Variants in MAML3 observed in about 807,000 individuals in gnomAD.
MAML3 encodes the protein mastermind like transcriptional coactivator 3.
MAML3 carries 27 observed loss-of-function variants against 101.9 expected under a neutral mutation model. The observed-to-expected ratio is 0.27, with a 90% CI of 0.20 to 0.37. The LOEUF (loss-of-function observed/expected upper bound fraction) is 0.37, where lower values mean the gene tolerates loss of function less well. Among genes scored for constraint, MAML3 ranks in the 10% least tolerant of loss-of-function variants. The pLI, the probability that MAML3 is intolerant of heterozygous loss-of-function variation, is 1.00. For synonymous variants in MAML3, 501 were observed against 555.9 expected, an observed-to-expected ratio of 0.90 and a Z score of 1.39; for missense variants, 1,316 against 1,444.9, an observed-to-expected ratio of 0.91 and a Z score of 1.45.
intron 2 of MAML3, among the ~76,000 whole-genome samples, chr4:139,786,343 A>C (rs958149104): frequency 1.3e-5 from 2 of 152,036 alleles, no homozygotes; most frequent in Non-Finnish European, 2.9e-5. Flanking sequence ...GGATGTGAGA[A>C]ACCATGGAAA....
At chr4:140,041,777 A>AT (rs1347652986) in intron 1 of MAML3, among the ~76,000 whole-genome samples, 1 of 152,128 alleles carries the variant, frequency 6.6e-6, no homozygotes, top group African/African-American at 2.4e-5. Flanking sequence ...TGGGGAAAAT[A>AT]TTTTTTTAAG....
At position 140,153,157 on chromosome 4, in the gene MAML3, G is replaced by A. The variant is rs1235674177; in HGVS notation, c.171C>T (p.Ser57=). The change falls in exon 1 of 5, where the codon TCC becomes TCT. Residue 57 remains serine, a synonymous_variant. Transcript: ENST00000509479. ...NHPAAGGCGG[S]GGPGGGSAAV... ...CCGCCGAACCGCCGCCGGGGCCCCC[G>A]GAGCCGCCGCATCCACCGGCTGCCG... 2 of 1,550,438 alleles carry A rather than the reference G, an allele frequency of 1.3e-6. No individual in the cohort carries two copies. The highest frequency in any genetic ancestry group is 1.2e-5 in the South Asian group (1 of 84,176).
intron 1 of MAML3, among the ~76,000 whole-genome samples, chr4:139,994,595 G>T (rs115716377): frequency 1.3e-4 from 20 of 152,284 alleles, no homozygotes; most frequent in African/African-American, 4.8e-4. Flanking sequence ...AGGAGTCTGA[G>T]GTTACTGTGA....
chr4:139,927,846 G>A (rs1226316543), intron 1 of MAML3, among the ~76,000 whole-genome samples: 1 of 152,004 alleles, frequency 6.6e-6, no homozygotes, highest in Non-Finnish European at 1.5e-5. Flanking sequence ...GGTTTATTTT[G>A]TGTTTGCCCT....
At chr4:139,949,283 G>A (rs1326430874) in intron 1 of MAML3, among the ~76,000 whole-genome samples, 1 of 152,090 alleles carries the variant, frequency 6.6e-6, no homozygotes, top group African/African-American at 2.4e-5. Flanking sequence ...CCAAAGTGCT[G>A]GGATTACAGG....
At chr4:139,821,982 C>A (rs923931774) in intron 2 of MAML3, among the ~76,000 whole-genome samples, 2 of 152,090 alleles carry the variant, frequency 1.3e-5, no homozygotes, top group East Asian at 3.9e-4. Context: ...AGAAGCAAAC[C>A]ATCTATTTGG....
At chr4:140,138,131 T>C (rs932855149) in intron 1 of MAML3, among the ~76,000 whole-genome samples, 62 of 152,256 alleles carry the variant, frequency 4.1e-4, no homozygotes, top group African/African-American at 1.4e-3. Flanking sequence ...TGTCACATTT[T>C]GTCACCCACC....
At chr4:139,730,709 G>C in intron 2 of MAML3, 42 bp from the exon 3 acceptor site, 2 of 1,557,430 alleles carry the variant, frequency 1.3e-6, no homozygotes, top group Non-Finnish European at 1.8e-6. Flanking sequence ...ATTCCCCATA[G>C]AGACTCACTG....
intron 1 of MAML3, among the ~76,000 whole-genome samples, chr4:140,111,987 G>A (rs1431134987): frequency 2.0e-5 from 3 of 152,072 alleles, no homozygotes; most frequent in African/African-American, 4.8e-5. Flanking sequence ...CTTGGTTCTG[G>A]TTCATCTGAT....
chr4:139,845,006 G>GTCTC (rs139759127), intron 2 of MAML3, among the ~76,000 whole-genome samples: 1 of 148,420 alleles, frequency 6.7e-6, no homozygotes, highest in African/African-American at 2.5e-5. Context: ...CTCTCTCTCT[G>GTCTC]TCTCTCTCTC....
intron 2 of MAML3, among the ~76,000 whole-genome samples, chr4:139,852,624 A>G (rs533140375): frequency 6.8e-4 from 103 of 152,154 alleles, no homozygotes; most frequent in African/African-American, 2.4e-3. Context: ...CATGTTGGCC[A>G]GGCTGATCTC....
At chr4:139,802,174 G>A (rs933378553) in intron 2 of MAML3, among the ~76,000 whole-genome samples, 1 of 152,194 alleles carries the variant, frequency 6.6e-6, no homozygotes, top group Non-Finnish European at 1.5e-5. Context: ...TGGGGTAGCA[G>A]AGAGGAGGCT....
rs552302654 is a variant in MAML3 at position 139,941,410 on chromosome 4, T to C, written c.469-50443A>G. On this transcript the variant is annotated intron_variant, in intron 1 of 4. Transcript: ENST00000509479. ...AACATGCAGAGACAGGTTAATGCTT[T>C]AGTTACATAGCTTTCAAGAGTACTT... is the stretch of plus-strand genomic sequence containing the variant. 7.9e-5 allele frequency among the ~76,000 whole-genome samples: 12 copies of C among 152,354 alleles called. No individual in the cohort carries two copies. The East Asian group carries it at 1.2e-3, about 15-fold the overall frequency.
rs560804552 is a variant in MAML3 at position 139,755,199 on chromosome 4, C to T, written c.2080-24532G>A. Among the ~76,000 whole-genome samples, 20 of 152,304 alleles carry T rather than the reference C, an allele frequency of 1.3e-4. No homozygotes were observed. In the South Asian group the frequency reaches 3.5e-3, roughly 27 times the overall value. On this transcript the variant is annotated intron_variant, in intron 2 of 4. Coordinates refer to ENST00000509479, the MANE Select transcript of MAML3 (RefSeq NM_018717.5). ...GTTCCATATTTCAACAGCCATAAGC[C>T]GGAATAGCACCTGTAGACTCTGGGA...
intron 2 of MAML3, among the ~76,000 whole-genome samples, chr4:139,846,221 TTA>T (rs1731443870): frequency 6.6e-6 from 1 of 152,230 alleles, no homozygotes; most frequent in Non-Finnish European, 1.5e-5. Flanking sequence ...TACTTTATTT[TTA>T]TTTTACTAGA....
intron 1 of MAML3, among the ~76,000 whole-genome samples, chr4:139,903,274 T>C (rs11100354): frequency 0.86 from 131,520 of 152,212 alleles, 57,361 homozygotes; most frequent in Middle Eastern, 0.93. Flanking sequence ...TGTGTCCAGC[T>C]TCAGCAATGA....
At chr4:139,765,508 G>GTAT (rs1483187703) in intron 2 of MAML3, among the ~76,000 whole-genome samples, 1 of 152,206 alleles carries the variant, frequency 6.6e-6, no homozygotes, top group African/African-American at 2.4e-5. Flanking sequence ...TAGGCTAAAG[G>GTAT]ATTCCAATGT....
chr4:140,098,791 G>C (rs764055429), intron 1 of MAML3, among the ~76,000 whole-genome samples: 4 of 152,310 alleles, frequency 2.6e-5, no homozygotes, highest in Non-Finnish European at 5.9e-5. Context: ...TGGCCTCCAG[G>C]GTTTAGACAG....
intron 2 of MAML3, among the ~76,000 whole-genome samples, chr4:139,752,899 A>T (rs1433152225): frequency 1.3e-5 from 2 of 152,178 alleles, no homozygotes; most frequent in African/African-American, 4.8e-5. Context: ...CACTGGGAAG[A>T]GCTAACAGGG....
Sources: gnomAD v4.1 joint callset for allele counts (sites outside exome capture counted in the v4.1 genomes callset) on GRCh38, gnomAD v4.1.1 for gene constraint, MANE v1.5 for transcripts, NCBI Gene and HGNC (gene_info 2026-07-23, HGNC 2026-07-21) for gene names.